KLHL12: variants seen among roughly 807,000 people sequenced by gnomAD.
KLHL12 encodes the protein kelch-like protein 12.
A neutral mutation model predicts 60.8 loss-of-function variants in KLHL12; 17 were observed. That is an observed-to-expected ratio of 0.28 (90% CI 0.19 to 0.42). KLHL12 has a LOEUF of 0.42. Ranked by LOEUF, KLHL12 falls within the 10% of genes least tolerant of loss-of-function variation. The probability of loss-of-function intolerance (pLI) is 1.00; values close to 1 mark genes in which losing one functional copy is unlikely to be tolerated. For missense variants in KLHL12, 468 were observed against 722.3 expected (o/e 0.65, Z 4.04); for synonymous variants, 220 against 250.9 (o/e 0.88, Z 1.16).
chr1:202,926,122 AAG>A, intron 1 of KLHL12, among the ~76,000 whole-genome samples: 1 of 151,502 alleles, frequency 6.6e-6, no homozygotes. Flanking sequence ...AAAAAAAAAA[AAG>A]AAACTTCAAT....
In KLHL12 at chr1:202,919,819, T is replaced by G. The variant is rs3182429; in HGVS notation, c.285A>C (p.Thr95=). The part of the protein sequence containing the change: ...EILLDFVYTE[T]VHVTVENVQE... ...GTACATTCTCCACTGTCACATGTAC[T>G]GTTTCTGTGTACACAAAGTCCAATA... Residue 95 remains threonine (T), a synonymous_variant, in exon 3 of 12, where the codon ACA becomes ACC. Transcript: ENST00000367261. 6.2e-7 allele frequency: 1 copy of G among 1,613,654 alleles called. No homozygotes were observed. The highest frequency in any genetic ancestry group is 1.1e-5 in the South Asian group (1 of 91,038).
chr1:202,911,767 C>CG (rs1660369345), intron 4 of KLHL12: 1 of 665,048 alleles, frequency 1.5e-6, no homozygotes, highest in African/African-American at 1.8e-5. Flanking sequence ...TGCCTGTGGA[C>CG]GCCGCCGAAG....
chr1:202,913,466 A>C (rs1217598581), intron 4 of KLHL12, among the ~76,000 whole-genome samples: 1 of 152,172 alleles, frequency 6.6e-6, no homozygotes, highest in Non-Finnish European at 1.5e-5. Context: ...ACTGAACCCC[A>C]CTCTTAACTG....
intron 6 of KLHL12, 93 bp downstream of exon 6, chr1:202,908,917 T>C: frequency 1.3e-6 from 1 of 791,464 alleles, no homozygotes; most frequent in Non-Finnish European, 2.2e-6. Context: ...ACGAGGTGTC[T>C]GTACTTCTTA....
At position 202,894,572 on chromosome 1, in the gene KLHL12, T is replaced by C. The variant is rs750663868; in HGVS notation, c.1294+19A>G. ...TACCCATTGAGTTCCCTCCCATTCC[T>C]GCATCCCAGACTCAATACCTAGACA... On this transcript the variant is annotated intron_variant, in intron 9 of 11. Transcript: ENST00000367261. 1.2e-6 allele frequency: 2 copies of C among 1,613,740 alleles called. No homozygotes were observed. The highest frequency in any genetic ancestry group is 3.3e-5 in the Admixed American group (2 of 60,016).
At chr1:202,896,369 T>C (rs183416870) in intron 7 of KLHL12, among the ~76,000 whole-genome samples, 1 of 152,286 alleles carries the variant, frequency 6.6e-6, no homozygotes, top group African/African-American at 2.4e-5. Context: ...TGTTTACTTT[T>C]TTGTAGAGAC....
chr1:202,919,922 A>C lies in KLHL12; in HGVS notation c.196-14T>G, dbSNP rs756860054. ...CTTCTCTGAGAGCTGAAAATTCAAA[A>C]GGTATAAAAGAATGATGGTTATAAT... is the stretch of plus-strand genomic sequence containing the variant. On this transcript the variant is annotated splice_polypyrimidine_tract_variant and intron_variant, in intron 2 of 11. Transcript: ENST00000367261. 3 of 1,608,622 alleles carry C rather than the reference A, an allele frequency of 1.9e-6. No individual in the cohort carries two copies. The highest frequency in any genetic ancestry group is 3.4e-5 in the Admixed American group (2 of 59,656).
chr1:202,910,989 G>T, intron 5 of KLHL12, 65 bp downstream of exon 5: 2 of 1,555,294 alleles, frequency 1.3e-6, no homozygotes, highest in South Asian at 1.1e-5. Context: ...ACTCAATTTT[G>T]AATACATAAC....
At chr1:202,902,693 GA>G (rs905896525) in intron 6 of KLHL12, among the ~76,000 whole-genome samples, 3 of 151,938 alleles carry the variant, frequency 2.0e-5, no homozygotes, top group Admixed American at 2.0e-4. Context: ...ACCTGAATTA[GA>G]AAAAAATTTT....
At chr1:202,904,895 G>A (rs563775912) in intron 6 of KLHL12, among the ~76,000 whole-genome samples, 3 of 152,212 alleles carry the variant, frequency 2.0e-5, no homozygotes, top group African/African-American at 7.2e-5. Flanking sequence ...AGACAGTAAT[G>A]GGTAAGGTTA....
chr1:202,906,764 C>T (rs1011898052), intron 6 of KLHL12, among the ~76,000 whole-genome samples: 7 of 152,164 alleles, frequency 4.6e-5, no homozygotes, highest in Middle Eastern at 3.4e-3. Context: ...CGGGTTCAAG[C>T]GATTCTCCTG....
intron 6 of KLHL12, among the ~76,000 whole-genome samples, chr1:202,907,592 T>C (rs1015402174): frequency 4.0e-5 from 4 of 98,968 alleles, no homozygotes; most frequent in East Asian, 3.3e-4. Context: ...AGCAAGACTC[T>C]GTCTTAAAAA....
At chr1:202,912,400 GA>G (rs1660390928) in intron 4 of KLHL12, 1 of 811,484 alleles carries the variant, frequency 1.2e-6, no homozygotes, top group Non-Finnish European at 2.2e-6. Flanking sequence ...CAAAGAAGTC[GA>G]AGTGGTTCTG....
At chr1:202,902,084 A>G (rs1660023717) in intron 6 of KLHL12, among the ~76,000 whole-genome samples, 1 of 152,190 alleles carries the variant, frequency 6.6e-6, no homozygotes, top group Admixed American at 6.5e-5. Context: ...CAATACAAAG[A>G]CACACCAAAA....
In KLHL12 at chr1:202,909,938, A is replaced by T. The variant is rs551574535; in HGVS notation, c.718-814T>A. ...TGTAAACAGCTTCTTTATTAAAAAA[A>T]ACTCTTCTAAAATTGTCCTGTTTTG... is the stretch of plus-strand genomic sequence containing the variant. On this transcript the variant is annotated intron_variant, in intron 5 of 11. Transcript: ENST00000367261. This position sits in a 1 kb window ranked among gnomAD's most constrained non-coding sequence, Gnocchi z 4.1. 2.6e-5 allele frequency among the ~76,000 whole-genome samples: 4 copies of T among 152,328 alleles called. No homozygotes were observed. The highest frequency in any genetic ancestry group is 2.6e-4 in the Admixed American group (4 of 15,304).
rs1659814128 is a variant in KLHL12 at position 202,895,748 on chromosome 1, A to C, written c.940-31T>G. Reference sequence around the variant, plus strand: ...GATTTGGAGAGAAGAGGTACAGAGCATTTCAGTTAGGCAAGTTTTGGGCCT... The same window carrying C: ...GATTTGGAGAGAAGAGGTACAGAGCCTTTCAGTTAGGCAAGTTTTGGGCCT... On this transcript the variant is annotated intron_variant, in intron 7 of 11. Coordinates refer to ENST00000367261, the MANE Select transcript of KLHL12 (RefSeq NM_021633.4). The surrounding 1 kb of genome is among the most constrained non-coding windows in gnomAD (Gnocchi z 4.2). 2 of 1,591,408 alleles carry C rather than the reference A, an allele frequency of 1.3e-6. No individual in the cohort carries two copies. The highest frequency in any genetic ancestry group is 1.7e-5 in the Admixed American group (1 of 58,736).
intron 4 of KLHL12, among the ~76,000 whole-genome samples, chr1:202,911,456 A>ATGTATCTC (rs753043000): frequency 6.7e-6 from 1 of 149,240 alleles, no homozygotes; most frequent in African/African-American, 2.5e-5. Context: ...ATATATATGT[A>ATGTATCTC]TCTCTCTCTC....
chr1:202,912,206 G>A (rs571071312), intron 4 of KLHL12: 8 of 1,047,502 alleles, frequency 7.6e-6, no homozygotes, highest in South Asian at 2.5e-5. Flanking sequence ...TTGGAAAAAC[G>A]GAAGTGATTG....
intron 3 of KLHL12, among the ~76,000 whole-genome samples, chr1:202,919,191 G>C (rs1349776397): frequency 1.3e-5 from 2 of 152,214 alleles, no homozygotes; most frequent in East Asian, 1.9e-4. Context: ...AAGAATTCAA[G>C]GATACAGTGA....
Sources: gnomAD v4.1 joint callset for allele counts (sites outside exome capture counted in the v4.1 genomes callset) on GRCh38, gnomAD v4.1.1 for gene constraint, Gnocchi (gnomAD v3.1) non-coding constraint, MANE v1.5 for transcripts, NCBI Gene and HGNC (gene_info 2026-07-23, HGNC 2026-07-21) for gene names.